GTF3C3: variants seen among roughly 807,000 people sequenced by gnomAD.
The protein encoded by GTF3C3 is general transcription factor 3C polypeptide 3.
Under a neutral mutation model 105.2 loss-of-function variants are expected in GTF3C3, and 75 were observed. The observed-to-expected ratio is 0.71, with a 90% CI of 0.59 to 0.86. GTF3C3 has a LOEUF of 0.86. Among genes scored for constraint, GTF3C3 ranks in the 40% least tolerant of loss-of-function variants. The pLI is 0.00. For synonymous variants in GTF3C3, 335 were observed against 370.4 expected (o/e 0.90, Z 1.10); for missense variants, 856 against 1,076.5 (o/e 0.80, Z 2.87).
chr2:196,764,690 G>A lies in GTF3C3; in HGVS notation c.2539-5C>T. 1 of 1,603,644 alleles carries A rather than the reference G, an allele frequency of 6.2e-7. No individual in the cohort carries two copies. The highest frequency in any genetic ancestry group is 8.5e-7 in the Non-Finnish European group (1 of 1,174,288). ...TAACTGGTCAAGTTCTATACCCTAGGGAGAAAAAGATACCTTTATGTTTAA... is the reference window on the plus strand; with the variant it reads ...TAACTGGTCAAGTTCTATACCCTAGAGAGAAAAAGATACCTTTATGTTTAA... On this transcript the variant is annotated splice_region_variant and splice_polypyrimidine_tract_variant and intron_variant, in intron 17 of 17. Transcript: ENST00000263956.
At chr2:196,784,220 GT>G (rs1699415864) in intron 8 of GTF3C3, among the ~76,000 whole-genome samples, 1 of 152,156 alleles carries the variant, frequency 6.6e-6, no homozygotes, top group African/African-American at 2.4e-5. Context: ...AATCCTCACA[GT>G]GTAGGGGTTG....
Position 196,770,016 on chromosome 2 carries a change from T to C in GTF3C3, c.2284A>G (p.Thr762Ala), listed in dbSNP as rs1422742806. ...ALGQYVQAFR[T>A]HPDEPLYSFC... is the part of the protein sequence containing the mutation. ...CTATAGAGAGGTTCGTCAGGGTGAG[T>C]GCGAAAGGCTTGCACATACTGTCCT... The change falls in exon 16 of 18, where the codon ACT (threonine) becomes GCT (alanine). Residue 762 changes from threonine (T) to alanine (A), a missense_variant. Around this residue, in one of 3 missense-constraint regions of GTF3C3, gnomAD observed 605 missense variants for 833.6 expected, o/e 0.73. Transcript: ENST00000263956. The C allele has an allele frequency of 8.3e-6, 13 of 1,566,708 alleles. No individual in the cohort carries two copies. The highest frequency in any genetic ancestry group is 1.1e-5 in the Non-Finnish European group (13 of 1,163,094).
At chr2:196,795,477 A>G (rs1373853526) in intron 2 of GTF3C3, among the ~76,000 whole-genome samples, 1 of 152,254 alleles carries the variant, frequency 6.6e-6, no homozygotes, top group African/African-American at 2.4e-5. Context: ...ATCATATTCA[A>G]GAATTCTGAA....
At chr2:196,781,484 G>A (rs1359452986) in intron 8 of GTF3C3, among the ~76,000 whole-genome samples, 1 of 147,948 alleles carries the variant, frequency 6.8e-6, no homozygotes, top group Non-Finnish European at 1.5e-5. Flanking sequence ...AGTAATTGTG[G>A]TTTTACCATT....
intron 7 of GTF3C3, 39 bp downstream of exon 7, chr2:196,785,401 AC>A: frequency 7.8e-7 from 1 of 1,282,384 alleles, no homozygotes; most frequent in Non-Finnish European, 1.0e-6. Flanking sequence ...ACACAGAAAC[AC>A]ATGCAAAACT....
Position 196,764,504 on chromosome 2 carries a change from A to G in GTF3C3, c.*59T>C. On this transcript the variant is annotated 3_prime_UTR_variant, in exon 18 of 18. Transcript: ENST00000263956. ...GGAGTTACAAATAATAAGCCCTGAG[A>G]CAGAAGACACTGGTCCTCACACAGC... is the stretch of plus-strand genomic sequence containing the variant. The G allele has an allele frequency of 6.7e-7, 1 of 1,496,142 alleles. No individual in the cohort carries two copies. The highest frequency in any genetic ancestry group is 1.4e-5 in the South Asian group (1 of 73,696). The allele number at this position is 1,496,142 out of a possible 1,614,324, so 92.7% of individuals were successfully genotyped here.
chr2:196,794,220 G>T (rs1002289678), intron 2 of GTF3C3, among the ~76,000 whole-genome samples: 11 of 152,068 alleles, frequency 7.2e-5, no homozygotes, highest in African/African-American at 2.4e-4. Context: ...AACAGATGCG[G>T]TTCCTCTGCC....
intron 2 of GTF3C3, among the ~76,000 whole-genome samples, chr2:196,796,732 T>A (rs1183059919): frequency 6.6e-6 from 1 of 152,196 alleles, no homozygotes; most frequent in Non-Finnish European, 1.5e-5. Flanking sequence ...TGTGTTCTCA[T>A]CATTCAGCTC....
At chr2:196,784,966 G>T (rs534147158) in intron 7 of GTF3C3, 37 bp from the exon 8 acceptor site, 1 of 1,366,888 alleles carries the variant, frequency 7.3e-7, no homozygotes, top group Non-Finnish European at 1.0e-6. Context: ...AATAAAATAT[G>T]TGTGAAAAAC....
intron 2 of GTF3C3, among the ~76,000 whole-genome samples, chr2:196,793,429 A>G (rs1559306451): frequency 6.6e-6 from 1 of 151,976 alleles, no homozygotes; most frequent in Non-Finnish European, 1.5e-5. Context: ...AATACAGAAG[A>G]AAAAAAATAG....
At chr2:196,791,702 G>A (rs1699552027) in intron 3 of GTF3C3, 1 of 346,572 alleles carries the variant, frequency 2.9e-6, no homozygotes, top group Non-Finnish European at 5.4e-6. Flanking sequence ...TTGGGAGGCT[G>A]AAGCAGGCGG....
intron 6 of GTF3C3, among the ~76,000 whole-genome samples, chr2:196,788,239 A>G (rs1339552107): frequency 1.3e-5 from 2 of 152,250 alleles, no homozygotes; most frequent in African/African-American, 2.4e-5. Flanking sequence ...TTCACAGCTA[A>G]GCATCATTGT....
rs1699012876 is a variant in GTF3C3 at position 196,763,851 on chromosome 2, T to G, written c.*712A>C. 3 of 152,360 alleles carry G rather than the reference T, an allele frequency of 2.0e-5. No homozygotes were observed. The South Asian group carries it at 6.2e-4, about 32-fold the overall frequency. The allele number at this position is 152,360 out of a possible 1,614,324, so 9.4% of individuals were successfully genotyped here. A position where few individuals can be genotyped will look rare whatever the true frequency, so the allele number is the denominator to read the frequency against. The stretch of plus-strand genomic sequence containing the variant: ...ATGTCCTTTATTCCATACGTACTAC[T>G]TGCCCAGTCTTATATTACTTGTGAT... On this transcript the variant is annotated 3_prime_UTR_variant, in exon 18 of 18. Coordinates refer to ENST00000263956, the MANE Select transcript of GTF3C3 (RefSeq NM_012086.5).
At chr2:196,775,275 G>A (rs1290706748) in intron 12 of GTF3C3, 24 bp from the exon 13 acceptor site, 1 of 1,588,514 alleles carries the variant, frequency 6.3e-7, no homozygotes, top group Non-Finnish European at 8.6e-7. Context: ...GAAGATTTCA[G>A]ATTCTTTAAA....
intron 9 of GTF3C3, 63 bp from the exon 10 acceptor site, chr2:196,779,130 C>CTT (rs879111814): frequency 3.9e-4 from 402 of 1,036,384 alleles, no homozygotes; most frequent in Middle Eastern, 9.2e-4. Context: ...CTATCTATAG[C>CTT]TTTTTTTTTT....
chr2:196,790,721 A>T (rs529105619), intron 4 of GTF3C3, among the ~76,000 whole-genome samples: 1 of 152,342 alleles, frequency 6.6e-6, no homozygotes, highest in East Asian at 1.9e-4. Context: ...TGAATAATCC[A>T]GGAAATTATA....
At chr2:196,796,516 C>A (rs1699648339) in intron 2 of GTF3C3, among the ~76,000 whole-genome samples, 1 of 152,132 alleles carries the variant, frequency 6.6e-6, no homozygotes, top group Admixed American at 6.5e-5. Context: ...TTTTCTTCAT[C>A]TTTTAAGTTC....
chr2:196,765,688 T>C (rs1699049955), intron 17 of GTF3C3, among the ~76,000 whole-genome samples: 1 of 151,358 alleles, frequency 6.6e-6, no homozygotes, highest in Admixed American at 6.6e-5. Context: ...ATAAAATATA[T>C]ATTCATTTGT....
At chr2:196,795,484 T>C (rs1461724254) in intron 2 of GTF3C3, among the ~76,000 whole-genome samples, 1 of 152,190 alleles carries the variant, frequency 6.6e-6, no homozygotes, top group East Asian at 1.9e-4. Flanking sequence ...TCAAGAATTC[T>C]GAACATTCAA....
Sources: allele counts gnomAD v4.1 joint callset (sites outside exome capture counted in the v4.1 genomes callset), GRCh38; gene constraint gnomAD v4.1.1; regional missense constraint gnomAD v4.1.1; transcripts MANE v1.5; gene names NCBI Gene and HGNC (gene_info 2026-07-23, HGNC 2026-07-21).